ITFG1: variants seen among roughly 807,000 people sequenced by gnomAD.
ITFG1 encodes integrin alpha FG-GAP repeat containing 1, also known as T-cell immunomodulatory protein.
ITFG1 carries 34 observed loss-of-function variants against 81.8 expected under a neutral mutation model. That is an observed-to-expected ratio of 0.42 (90% CI 0.32 to 0.55). ITFG1 has a LOEUF of 0.55. ITFG1 is among the 20% of genes least tolerant of loss of function. The pLI, the probability that ITFG1 is intolerant of heterozygous loss-of-function variation, is 0.17. For missense variants in ITFG1, 672 were observed against 755.4 expected, an observed-to-expected ratio of 0.89 and a Z score of 1.29; for synonymous variants, 285 against 270.6, an observed-to-expected ratio of 1.05 and a Z score of -0.52.
chr16:47,250,269 A>C (rs964578226), intron 12 of ITFG1, among the ~76,000 whole-genome samples: 1 of 151,986 alleles, frequency 6.6e-6, no homozygotes, highest in African/African-American at 2.4e-5. Context: ...CTTTGTAAAA[A>C]AATACAGAAA....
chr16:47,343,080 C>G (rs1464351954), intron 8 of ITFG1, among the ~76,000 whole-genome samples: 1 of 152,060 alleles, frequency 6.6e-6, no homozygotes, highest in Non-Finnish European at 1.5e-5. Flanking sequence ...ACTCACACTT[C>G]TGAACTTTAA....
intron 14 of ITFG1, among the ~76,000 whole-genome samples, chr16:47,189,002 G>T (rs1965260598): frequency 6.6e-6 from 1 of 152,126 alleles, no homozygotes; most frequent in Non-Finnish European, 1.5e-5. Context: ...CAACCTCAGT[G>T]ATCCACCTGC....
At position 47,461,028 on chromosome 16, in the gene ITFG1, C is replaced by T. The variant is rs1034429268; in HGVS notation, c.18G>A (p.Arg6=). The change falls in exon 1 of 18, where the codon CGG becomes CGA. Residue 6 remains arginine, a synonymous_variant. Coordinates refer to ENST00000320640, the MANE Select transcript of ITFG1 (RefSeq NM_030790.5). ...AGAAGAGGGCCCAGGAGCTCGGGAG[C>T]CGGCCCGCCGCCGCCATGGCAGCCC... MAAAG[R]LPSSWALFSP... is the part of the protein sequence containing the mutation. 3.1e-5 allele frequency: 48 copies of T among 1,541,904 alleles called. No individual in the cohort carries two copies. Among genetic ancestry groups the T allele is most frequent in the Middle Eastern group, 2.2e-4 (1 of 4,506 alleles).
chr16:47,319,982 C>T (rs913730870), intron 8 of ITFG1, among the ~76,000 whole-genome samples: 14 of 152,200 alleles, frequency 9.2e-5, no homozygotes, highest in African/African-American at 1.9e-4. Context: ...AGTGCAGTGG[C>T]GCCATCTCCG....
intron 10 of ITFG1, among the ~76,000 whole-genome samples, chr16:47,268,174 TA>T (rs1240052568): frequency 4.0e-5 from 6 of 150,834 alleles, no homozygotes; most frequent in Non-Finnish European, 5.9e-5. Context: ...GGAGAAAAGG[TA>T]AAAAGTACCA....
intron 8 of ITFG1, among the ~76,000 whole-genome samples, chr16:47,365,337 T>C (rs1259507996): frequency 1.3e-5 from 2 of 152,206 alleles, no homozygotes; most frequent in African/African-American, 4.8e-5. Context: ...AAAACAGAAA[T>C]TCATATGTCC....
intron 13 of ITFG1, among the ~76,000 whole-genome samples, chr16:47,226,453 C>T (rs370274771): frequency 6.6e-6 from 1 of 152,086 alleles, no homozygotes; most frequent in Non-Finnish European, 1.5e-5. Flanking sequence ...ACATGTGCCA[C>T]GTTGGTGTGC....
rs769275260 is a variant in ITFG1 at position 47,311,236 on chromosome 16, T to G, written c.1070+4A>C. 1 of 1,590,574 alleles carries G rather than the reference T, an allele frequency of 6.3e-7. No homozygotes were observed. Among genetic ancestry groups the G allele is most frequent in the African/African-American group, 1.4e-5 (1 of 73,858 alleles). On this transcript the variant is annotated splice_donor_region_variant and intron_variant, in intron 10 of 17. Coordinates refer to ENST00000320640, the MANE Select transcript of ITFG1 (RefSeq NM_030790.5). ...ATATTTCTCACTTGATTTAATTTCC[T>G]TACCTTCCAGATGTGTTCTTTAGTA...
chr16:47,163,463 T>C (rs1339366087), intron 14 of ITFG1, among the ~76,000 whole-genome samples: 4 of 152,242 alleles, frequency 2.6e-5, no homozygotes, highest in African/African-American at 9.6e-5. Context: ...GTAGCATGTT[T>C]CCATACTTTA....
At chr16:47,249,819 A>G (rs1031108993) in intron 12 of ITFG1, among the ~76,000 whole-genome samples, 5 of 152,336 alleles carry the variant, frequency 3.3e-5, no homozygotes, top group Non-Finnish European at 7.3e-5. Flanking sequence ...GATTCAGTTT[A>G]TATTAGCTAT....
At chr16:47,307,287 T>G (rs1286069190) in intron 10 of ITFG1, among the ~76,000 whole-genome samples, 1 of 152,016 alleles carries the variant, frequency 6.6e-6, no homozygotes, top group Non-Finnish European at 1.5e-5. Context: ...TTATTAAAAC[T>G]TTAATTAAAA....
chr16:47,459,962 C>T (rs1160995000), intron 1 of ITFG1, among the ~76,000 whole-genome samples: 1 of 152,222 alleles, frequency 6.6e-6, no homozygotes, highest in South Asian at 2.1e-4. Flanking sequence ...CTCTTCCTTC[C>T]TTCCTTCACA....
At chr16:47,440,698 G>C (rs141396475) in intron 5 of ITFG1, among the ~76,000 whole-genome samples, 2,378 of 151,948 alleles carry the variant, frequency 0.016, 59 homozygotes, top group African/African-American at 0.055. Context: ...TGTGTAGAGG[G>C]AAATTTATAG....
chr16:47,174,050 CA>C (rs2151510876), intron 14 of ITFG1, among the ~76,000 whole-genome samples: 1 of 152,100 alleles, frequency 6.6e-6, no homozygotes, highest in African/African-American at 2.4e-5. Context: ...AAAAACAAAA[CA>C]AAACAAAAAA....
chr16:47,410,013 C>T (rs1350266208), intron 6 of ITFG1, among the ~76,000 whole-genome samples: 2 of 152,088 alleles, frequency 1.3e-5, no homozygotes, highest in Non-Finnish European at 2.9e-5. Context: ...GTGGCTCATG[C>T]CTATAATCCC....
chr16:47,429,543 A>T (rs1352214326), intron 5 of ITFG1, among the ~76,000 whole-genome samples: 1 of 152,168 alleles, frequency 6.6e-6, no homozygotes, highest in Non-Finnish European at 1.5e-5. Flanking sequence ...TTACATTTGT[A>T]CCCAGCAATG....
At chr16:47,442,163 G>C (rs1475362049) in intron 5 of ITFG1, among the ~76,000 whole-genome samples, 4 of 152,126 alleles carry the variant, frequency 2.6e-5, no homozygotes, top group African/African-American at 9.7e-5. Flanking sequence ...ACAAACCACT[G>C]CTCAATGAAA....
chr16:47,271,348 C>G (rs941211528), intron 10 of ITFG1, among the ~76,000 whole-genome samples: 6 of 152,052 alleles, frequency 3.9e-5, no homozygotes, highest in Admixed American at 6.6e-5. Flanking sequence ...AAATGGCCAA[C>G]AAGTACGTGA....
intron 17 of ITFG1, among the ~76,000 whole-genome samples, chr16:47,158,113 A>G (rs567194304): frequency 6.6e-6 from 1 of 152,148 alleles, no homozygotes; most frequent in African/African-American, 2.4e-5. Flanking sequence ...TCTTTTTTTG[A>G]GACAGGGTCT....
Sources: allele counts gnomAD v4.1 joint callset (sites outside exome capture counted in the v4.1 genomes callset), GRCh38; gene constraint gnomAD v4.1.1; transcripts MANE v1.5; gene names NCBI Gene and HGNC (gene_info 2026-07-23, HGNC 2026-07-21).